HR: variants seen among roughly 807,000 people sequenced by gnomAD.
HR encodes HR lysine demethylase and nuclear receptor corepressor, also known as lysine-specific demethylase hairless.
In HR, 83 loss-of-function variants were observed where a neutral mutation model predicts 128.6. The ratio of observed to expected loss-of-function variants is 0.65; its 90% CI spans 0.54 to 0.77. HR has a LOEUF of 0.77. Among genes scored for constraint, HR ranks in the 30% least tolerant of loss-of-function variants. HR has a pLI of 0.00. For missense variants in HR, 1,490 were observed against 1,574.6 expected (o/e 0.95, Z 0.91); for synonymous variants, 681 against 658.2 (o/e 1.03, Z -0.53).
In HR at chr8:22,120,950, G is replaced by A. The variant is rs1185147627; in HGVS notation, c.2376C>T (p.Arg792=). The A allele has an allele frequency of 6.3e-7, 1 of 1,592,150 alleles. No individual in the cohort carries two copies. Among genetic ancestry groups the A allele is most frequent in the African/African-American group, 1.3e-5 (1 of 74,618 alleles). ...TAATGCTGTCCAGGATGTTGGTGAT[G>A]CGGTCATCCTGCAGAGAGGGGCACA... ...PVTPALPSDD[R]ITNILDSIIA... The change falls in exon 11 of 19, where the codon CGC becomes CGT. Residue 792 remains arginine (R), a synonymous_variant. Transcript: ENST00000381418.
At chr8:22,118,618 G>C (rs983377920) in intron 16 of HR, 1 of 398,254 alleles carries the variant, frequency 2.5e-6, no homozygotes, top group Non-Finnish European at 4.7e-6. Flanking sequence ...GAAAGGAGCA[G>C]TGCCTGCCTC....
chr8:22,123,518 G>A (rs1586378871), intron 6 of HR, 131 bp downstream of exon 6: 7 of 856,058 alleles, frequency 8.2e-6, no homozygotes, highest in South Asian at 6.6e-5. Flanking sequence ...ATTGAGCCAT[G>A]GTGGCTGAGG....
chr8:22,120,574 C>T (rs955655650), intron 11 of HR, 67 bp from the exon 12 acceptor site: 13 of 1,604,564 alleles, frequency 8.1e-6, no homozygotes, highest in South Asian at 7.7e-5. Flanking sequence ...CAGGCAAGGG[C>T]GTGTTGTAAG....
Position 22,123,666 on chromosome 8 carries a change from C to T in HR, c.1898G>A (p.Arg633Gln), listed in dbSNP as rs1399008163. Reference sequence around the variant, plus strand: ...TCTCCTACCTGCTTTCTCCCTGGCCCGCCCAGTGCCTGCCACACGACCACA... The same window carrying T: ...TCTCCTACCTGCTTTCTCCCTGGCCTGCCCAGTGCCTGCCACACGACCACA... ...VACGRVAGTG[R>Q]AREKAGFQEQ... Residue 633 changes from arginine to glutamine, a missense_variant, in exon 6 of 19, where the codon CGG becomes CAG. Physicochemically the swap from Arg to Gln is conservative, Grantham distance 43. Around this residue, in one of 3 missense-constraint regions of HR, gnomAD observed 1,060 missense variants for 1,060.9 expected, o/e 1.00. Transcript: ENST00000381418. 21 of 1,525,784 alleles carry T rather than the reference C, an allele frequency of 1.4e-5. No individual in the cohort carries two copies. Among genetic ancestry groups the T allele is most frequent in the Middle Eastern group, 1.8e-4 (1 of 5,536 alleles). 94.5% of individuals were successfully genotyped at this position (1,525,784 alleles called of 1,614,324 possible).
intron 6 of HR, 32 bp downstream of exon 6, chr8:22,123,617 T>TCTCCCCC: frequency 3.8e-5 from 11 of 292,092 alleles, no homozygotes; most frequent in South Asian, 9.1e-5. Context: ...GAGGGCTCCA[T>TCTCCCCC]CCCGCCCTCC....
At position 22,128,640 on chromosome 8, in the gene HR, A is replaced by T. The variant is rs1204301232; in HGVS notation, c.531T>A (p.Cys177Ter). The T allele has an allele frequency of 6.3e-7, 1 of 1,596,848 alleles. No homozygotes were observed. Among genetic ancestry groups the T allele is most frequent in the African/African-American group, 1.3e-5 (1 of 74,860 alleles). The change falls in exon 2 of 19, where the codon TGT becomes TGA. Residue 177 changes from cysteine (C) to a stop codon, truncating the protein, a stop_gained. Transcript: ENST00000381418. LOFTEE classifies it high-confidence loss of function. ...LVSGLPPEHP[C>*]DWPLTPHPWV... ...AGGGGTGCGGGGTCAGGGGCCAGTC[A>T]CATGGATGCTCTGGGGGCAGGCCAG...
intron 9 of HR, 106 bp from the exon 10 acceptor site, chr8:22,121,334 TCTC>T: frequency 2.1e-6 from 3 of 1,432,090 alleles, no homozygotes; most frequent in Non-Finnish European, 2.9e-6. Context: ...CTGAGCCCAC[TCTC>T]CCCAGCCAGC....
At chr8:22,120,268 C>T in intron 12 of HR, 74 bp downstream of exon 12, 2 of 1,611,578 alleles carry the variant, frequency 1.2e-6, no homozygotes, top group East Asian at 2.2e-5. Flanking sequence ...CGGGGTCACC[C>T]TGGGACTCCT....
chr8:22,125,224 G>C, intron 5 of HR, 87 bp downstream of exon 5: 1 of 1,390,988 alleles, frequency 7.2e-7, no homozygotes. Flanking sequence ...TTAGGTCTAG[G>C]AGCTGGCAGT....
At chr8:22,128,501 C>T (rs1314504978) in intron 2 of HR, 58 bp downstream of exon 2, 2 of 1,605,940 alleles carry the variant, frequency 1.2e-6, no homozygotes, top group African/African-American at 1.3e-5. Context: ...ATCTTGGGGA[C>T]CACCGAGCAA....
In HR at chr8:22,123,727, G is replaced by A. The variant is rs121434449; in HGVS notation, c.1837C>T (p.Arg613Ter). The change falls in exon 6 of 19, where the codon CGA (arginine) becomes TGA (stop). Residue 613 changes from arginine (R) to a stop codon, truncating the protein, a stop_gained. Transcript: ENST00000381418. LOFTEE classifies it high-confidence loss of function. ...AGCCGGTGGCTGCAGCGGGGACATC[G>A]CCAGTGGGTGTTGAAGAGTCCATGG... ...CHHGLFNTHW[R>*]CPRCSHRLCV... The A allele has an allele frequency of 3.1e-6, 5 of 1,589,280 alleles. No homozygotes were observed. Among genetic ancestry groups the A allele is most frequent in the Non-Finnish European group, 3.4e-6 (4 of 1,173,094 alleles).
At chr8:22,119,107 C>T (rs375405591) in intron 15 of HR, 42 bp from the exon 16 acceptor site, 26 of 1,613,410 alleles carry the variant, frequency 1.6e-5, no homozygotes, top group African/African-American at 2.7e-5. Context: ...GGGCTGGTGG[C>T]GACAAACACT....
intron 14 of HR, 64 bp from the exon 15 acceptor site, chr8:22,119,347 G>C: frequency 1.9e-6 from 3 of 1,606,306 alleles, no homozygotes; most frequent in Non-Finnish European, 2.5e-6. Context: ...GGTTGCTCAC[G>C]CCTGTAATCC....
Position 22,116,332 on chromosome 8 carries a change from G to A in HR, c.3475C>T (p.Leu1159Phe). The A allele has an allele frequency of 6.2e-7, 1 of 1,612,748 alleles. No individual in the cohort carries two copies. ...TAAAGCAGGTGGCAGTCAGGGGGAA[G>A]GCTGGGTCCCTGGTGGCAGAGCTGA... ...SAQLCHQGPS[L>F]PPDCHLLYAQ... The change falls in exon 18 of 19, where the codon CTT becomes TTT. Residue 1159 changes from leucine (L) to phenylalanine (F), a missense_variant. By Grantham distance (22) the Leu-to-Phe change is conservative. Transcript: ENST00000381418. This position sits in a 1 kb window ranked among gnomAD's most constrained non-coding sequence, Gnocchi z 4.2.
At chr8:22,128,369 A>G in intron 2 of HR, 190 bp downstream of exon 2, 2 of 741,304 alleles carry the variant, frequency 2.7e-6, no homozygotes, top group Non-Finnish European at 4.6e-6. Flanking sequence ...GGGGAGGCCT[A>G]GAGAGATGGA....
At chr8:22,124,973 C>A (rs1826847199) in intron 5 of HR, among the ~76,000 whole-genome samples, 1 of 152,184 alleles carries the variant, frequency 6.6e-6, no homozygotes, top group South Asian at 2.1e-4. Flanking sequence ...GGAAGGGCGA[C>A]CGAAGGGAGC....
chr8:22,119,363 C>T, intron 14 of HR, 80 bp from the exon 15 acceptor site: 2 of 1,590,442 alleles, frequency 1.3e-6, no homozygotes, highest in Non-Finnish European at 1.7e-6. Flanking sequence ...AATCCTGGCA[C>T]TTTGGGAGGC....
In HR at chr8:22,119,080, G is replaced by C; in HGVS notation, c.3098-15C>G. The C allele has an allele frequency of 6.2e-7, 1 of 1,613,516 alleles. No homozygotes were observed. The highest frequency in any genetic ancestry group is 8.5e-7 in the Non-Finnish European group (1 of 1,179,902). ...TGAAAGGAAGTCTGAGGAGGAAAGA[G>C]CGCTCAGGCAGGCCCAGGGCTGGTG... is the stretch of plus-strand genomic sequence containing the variant. On this transcript the variant is annotated splice_polypyrimidine_tract_variant and intron_variant, in intron 15 of 18. Coordinates refer to ENST00000381418, the MANE Select transcript of HR (RefSeq NM_005144.5).
chr8:22,123,644 C>G lies in HR; in HGVS notation c.1915+5G>C. ...CCGCCCTCCCACCCCCAGCCCCTCT[C>G]CTACCTGCTTTCTCCCTGGCCCGCC... On this transcript the variant is annotated splice_donor_5th_base_variant and intron_variant, in intron 6 of 18. Coordinates refer to ENST00000381418, the MANE Select transcript of HR (RefSeq NM_005144.5). The G allele has an allele frequency of 1.3e-6, 2 of 1,528,906 alleles. No homozygotes were observed. The highest frequency in any genetic ancestry group is 1.7e-6 in the Non-Finnish European group (2 of 1,143,094). 94.7% of individuals were successfully genotyped at this position (1,528,906 alleles called of 1,614,324 possible).
Sources: allele counts gnomAD v4.1 joint callset (sites outside exome capture counted in the v4.1 genomes callset), GRCh38; gene constraint gnomAD v4.1.1; regional missense constraint gnomAD v4.1.1; non-coding constraint Gnocchi (gnomAD v3.1); transcripts MANE v1.5; gene names NCBI Gene and HGNC (gene_info 2026-07-23, HGNC 2026-07-21).